Variants in SEMA6B observed in about 807,000 individuals in gnomAD.
SEMA6B encodes the protein semaphorin-6B.
In SEMA6B, 47 loss-of-function variants were observed where a neutral mutation model predicts 78.6. The observed-to-expected ratio is 0.60, with a 90% confidence interval of 0.47 to 0.76. The LOEUF (loss-of-function observed/expected upper bound fraction) is 0.76, where lower values mean the gene tolerates loss of function less well. Among genes scored for constraint, SEMA6B ranks in the 30% least tolerant of loss-of-function variants. The pLI, the probability that SEMA6B is intolerant of heterozygous loss-of-function variation, is 0.00. For missense variants in SEMA6B, 1,213 were observed against 1,269.9 expected (o/e 0.96, Z 0.68); for synonymous variants, 632 against 592.2 (o/e 1.07, Z -0.98).
Position 4,542,996 on chromosome 19 carries a change from G to A in SEMA6B, c.*605C>T, listed in dbSNP as rs1386984753. The A allele has an allele frequency of 1.4e-6, 1 of 695,950 alleles. No homozygotes were observed. Among genetic ancestry groups the A allele is most frequent in the Non-Finnish European group, 2.6e-6 (1 of 381,150 alleles). 43.1% of individuals were successfully genotyped at this position (695,950 alleles called of 1,614,324 possible). A position where few individuals can be genotyped will look rare whatever the true frequency, so the allele number is the denominator to read the frequency against. ...GCTCAGCCAACGCCCAGGCCGCTGG[G>A]GCCACCACGATCGTCGCTCGTGGAC... is the stretch of plus-strand genomic sequence containing the variant. On this transcript the variant is annotated 3_prime_UTR_variant, in exon 17 of 17. Transcript: ENST00000586582.
At position 4,558,221 on chromosome 19, in the gene SEMA6B, C is replaced by T; in HGVS notation, c.122-72G>A. On this transcript the variant is annotated intron_variant, in intron 2 of 16. Coordinates refer to ENST00000586582, the MANE Select transcript of SEMA6B (RefSeq NM_032108.4). The surrounding 1 kb of genome is among the most constrained non-coding windows in gnomAD (Gnocchi z 5.1). ...GAGAGGGTGGCCTGAGGTCATGCCC[C>T]TTCTAGGGGTGGCTCCTGGACTGCT... 7.4e-7 allele frequency: 1 copy of T among 1,345,616 alleles called. No homozygotes were observed. Among genetic ancestry groups the T allele is most frequent in the Non-Finnish European group, 9.7e-7 (1 of 1,036,118 alleles). 83.4% of individuals were successfully genotyped at this position (1,345,616 alleles called of 1,614,324 possible).
chr19:4,554,146 G>A (rs2145356172), intron 9 of SEMA6B, among the ~76,000 whole-genome samples: 1 of 152,264 alleles, frequency 6.6e-6, no homozygotes, highest in South Asian at 2.1e-4. Context: ...CAGGTGAACA[G>A]CAACAGCACC....
chr19:4,551,570 G>A (rs1194968327), intron 10 of SEMA6B, among the ~76,000 whole-genome samples: 3 of 150,880 alleles, frequency 2.0e-5, no homozygotes, highest in Non-Finnish European at 3.0e-5. Flanking sequence ...GGTGGCTGAC[G>A]CCTGTAATCC....
rs1977365462 is a variant in SEMA6B, at chr19:4,552,672, G to A, written c.772-33C>T. 1.9e-6 allele frequency: 3 copies of A among 1,559,126 alleles called. No individual in the cohort carries two copies. The highest frequency in any genetic ancestry group is 2.3e-5 in the East Asian group (1 of 44,272). On this transcript the variant is annotated intron_variant, in intron 9 of 16. Coordinates refer to ENST00000586582, the MANE Select transcript of SEMA6B (RefSeq NM_032108.4). The surrounding 1 kb of genome is among the most constrained non-coding windows in gnomAD (Gnocchi z 7.4). ...TGACAGTGGACGGACGGGGGCCTGA[G>A]CTCTGTGTCCCAGGAAGGCCTGTTC...
Position 4,543,879 on chromosome 19 carries a change from G to A in SEMA6B, c.2389C>T (p.Arg797Cys), listed in dbSNP as rs1365329626. The A allele has an allele frequency of 5.8e-6, 7 of 1,205,668 alleles. No individual in the cohort carries two copies. In the African/African-American group the frequency reaches 6.3e-5, roughly 11 times the overall value. 74.7% of individuals were successfully genotyped at this position (1,205,668 alleles called of 1,614,324 possible). ...GTGGGCGCGGACACCACCCGCCGGCGGTCCGGGCTGGCGTGGGGGGTGAGC... is the reference window on the plus strand; with the variant it reads ...GTGGGCGCGGACACCACCCGCCGGCAGTCCGGGCTGGCGTGGGGGGTGAGC... ...FPLTPHASPD[R>C]RRVVSAPTGP... is the part of the protein sequence containing the mutation. Residue 797 changes from arginine to cysteine, a missense_variant, in exon 17 of 17, where the codon CGC (arginine) becomes TGC (cysteine). Arg to Cys is a radical substitution (Grantham distance 180). Transcript: ENST00000586582.
chr19:4,547,864 C>T (rs960529652), intron 14 of SEMA6B, among the ~76,000 whole-genome samples, 163 bp downstream of exon 14: 2 of 152,170 alleles, frequency 1.3e-5, no homozygotes, highest in African/African-American at 4.8e-5. Flanking sequence ...GTTCTTCCAA[C>T]ACACCAGGAG....
chr19:4,544,271 C>G lies in SEMA6B; in HGVS notation c.1997G>C (p.Gly666Ala), dbSNP rs1015238601. The G allele has an allele frequency of 7.6e-7, 1 of 1,309,422 alleles. No individual in the cohort carries two copies. The highest frequency in any genetic ancestry group is 1.6e-5 in the African/African-American group (1 of 64,202). 81.1% of individuals were successfully genotyped at this position (1,309,422 alleles called of 1,614,324 possible). ...CCCGGCGCCACCGCCACCGCCTCCGCCCCGGCCCCCGGGACCCTGCGCCCT... is the reference window on the plus strand; with the variant it reads ...CCCGGCGCCACCGCCACCGCCTCCGGCCCGGCCCCCGGGACCCTGCGCCCT... ...ERRAQGPGGRGGGGGGGAGVP... is the reference protein window; with the variant it reads ...ERRAQGPGGRAGGGGGGAGVP... The change falls in exon 17 of 17, where the codon GGC becomes GCC. Residue 666 changes from glycine (G) to alanine (A), a missense_variant. By Grantham distance (60) the Gly-to-Ala change is moderately conservative. Transcript: ENST00000586582. This position sits in a 1 kb window ranked among gnomAD's most constrained non-coding sequence, Gnocchi z 5.1.
rs1977068218 is a variant in SEMA6B, at chr19:4,543,304, A to G, written c.*297T>C. The G allele has an allele frequency of 6.4e-6, 3 of 467,130 alleles. No individual in the cohort carries two copies. The highest frequency in any genetic ancestry group is 1.1e-5 in the Non-Finnish European group (3 of 265,160). The allele number at this position is 467,130 out of a possible 1,614,324, so 28.9% of individuals were successfully genotyped here. On this transcript the variant is annotated 3_prime_UTR_variant, in exon 17 of 17. Coordinates refer to ENST00000586582, the MANE Select transcript of SEMA6B (RefSeq NM_032108.4). ...GTGCAATTGGTTAGAAAACCGCAAA[A>G]GAAACCAAAACTGCAAAAAAAACCA...
chr19:4,551,224 T>TG (rs1336876940), intron 10 of SEMA6B, among the ~76,000 whole-genome samples: 1 of 151,012 alleles, frequency 6.6e-6, no homozygotes, highest in African/African-American at 2.4e-5. Context: ...AGCAGGCTTT[T>TG]TTTTTTTTTT....
chr19:4,546,406 G>A lies in SEMA6B; in HGVS notation c.1665C>T (p.Leu555=), dbSNP rs1336758984. 1.3e-6 allele frequency: 2 copies of A among 1,584,474 alleles called. No homozygotes were observed. The highest frequency in any genetic ancestry group is 1.8e-5 in the Admixed American group (1 of 56,272). The change falls in exon 15 of 17, where the codon CTC becomes CTT. Residue 555 remains leucine, a synonymous_variant. Transcript: ENST00000586582. ...TCCCGCAGTACCTGGTGCCCGGGCT[G>A]AGGAAGATGCAGGAGCCGTCGGGGG... ...GWAPDGSCIF[L]SPGTRAAFEQ...
chr19:4,551,554 G>A (rs796897515), intron 10 of SEMA6B, among the ~76,000 whole-genome samples: 38 of 151,804 alleles, frequency 2.5e-4, no homozygotes, highest in Middle Eastern at 3.4e-3. Context: ...AACCTTGGCC[G>A]GGTGCGGTGG....
Position 4,543,790 on chromosome 19 carries a change from C to T in SEMA6B, c.2478G>A (p.Thr826=), listed in dbSNP as rs1977085278. 1 of 1,221,006 alleles carries T rather than the reference C, an allele frequency of 8.2e-7. No individual in the cohort carries two copies. Among genetic ancestry groups the T allele is most frequent in the East Asian group, 3.2e-5 (1 of 30,830 alleles). The allele number at this position is 1,221,006 out of a possible 1,614,324, so 75.6% of individuals were successfully genotyped here. A position where few individuals can be genotyped will look rare whatever the true frequency, so the allele number is the denominator to read the frequency against. The change falls in exon 17 of 17, where the codon ACG becomes ACA. Residue 826 remains threonine, a synonymous_variant. Transcript: ENST00000586582. The part of the protein sequence containing the change: ...GLPRPWSPPP[T]GSLRRPLGPH... ...GGCCCAGTGGCCTCCTCAGGCTGCC[C>T]GTCGGGGGCGGGCTCCAGGGCCGCG... is the stretch of plus-strand genomic sequence containing the variant.
chr19:4,556,215 G>A (rs1035482994), intron 5 of SEMA6B, 126 bp from the exon 6 acceptor site: 1 of 691,766 alleles, frequency 1.4e-6, no homozygotes, highest in African/African-American at 1.7e-5. Flanking sequence ...GGCAGGGGCT[G>A]AACCTAGGAC....
At position 4,543,137 on chromosome 19, in the gene SEMA6B, C is replaced by T. The variant is rs2145340470; in HGVS notation, c.*464G>A. Reference sequence around the variant, plus strand: ...CACACGAACACGGCACGCACACGCACGCACACCCACACACGCCAGGGGCCT... The same window carrying T: ...CACACGAACACGGCACGCACACGCATGCACACCCACACACGCCAGGGGCCT... On this transcript the variant is annotated 3_prime_UTR_variant, in exon 17 of 17. Coordinates refer to ENST00000586582, the MANE Select transcript of SEMA6B (RefSeq NM_032108.4). 3 of 616,716 alleles carry T rather than the reference C, an allele frequency of 4.9e-6. No homozygotes were observed. Among genetic ancestry groups the T allele is most frequent in the African/African-American group, 1.8e-5 (1 of 54,492 alleles). 38.2% of individuals were successfully genotyped at this position (616,716 alleles called of 1,614,324 possible).
rs1391092720 is a variant in SEMA6B at position 4,555,576 on chromosome 19, A to G, written c.472-12T>C. On this transcript the variant is annotated splice_polypyrimidine_tract_variant and intron_variant, in intron 6 of 16. Coordinates refer to ENST00000586582, the MANE Select transcript of SEMA6B (RefSeq NM_032108.4). This position sits in a 1 kb window ranked among gnomAD's most constrained non-coding sequence, Gnocchi z 6.1. ...TGCAGGGTGTCTATCTGCAGGGACC[A>G]TGGGGCCTGAGTGACAGATCTCCTG... 2 of 1,610,052 alleles carry G rather than the reference A, an allele frequency of 1.2e-6. No individual in the cohort carries two copies. The highest frequency in any genetic ancestry group is 1.7e-5 in the Admixed American group (1 of 59,818).
In SEMA6B at chr19:4,558,060, G is replaced by T; in HGVS notation, c.211C>A (p.Leu71Met). The T allele has an allele frequency of 6.6e-7, 1 of 1,518,832 alleles. No homozygotes were observed. The highest frequency in any genetic ancestry group is 1.2e-5 in the South Asian group (1 of 80,042). 94.1% of individuals were successfully genotyped at this position (1,518,832 alleles called of 1,614,324 possible). A position where few individuals can be genotyped will look rare whatever the true frequency, so the allele number is the denominator to read the frequency against. Reference sequence around the variant, plus strand: ...ATGAACAGCGTCCTGTTGACCCGCAGGACTCGCTGGATGTTGAGGTCGTCA... The same window carrying T: ...ATGAACAGCGTCCTGTTGACCCGCATGACTCGCTGGATGTTGAGGTCGTCA... ...GADDLNIQRV[L>M]RVNRTLFIGD... is the part of the protein sequence containing the mutation. Residue 71 changes from leucine (L) to methionine (M), a missense_variant, in exon 3 of 17, where the codon CTG becomes ATG. Coordinates refer to ENST00000586582, the MANE Select transcript of SEMA6B (RefSeq NM_032108.4). The surrounding 1 kb of genome is among the most constrained non-coding windows in gnomAD (Gnocchi z 5.1).
In SEMA6B at chr19:4,558,785, T is replaced by C. The variant is rs1300184426; in HGVS notation, c.-32-296A>G. On this transcript the variant is annotated intron_variant, in intron 1 of 16. Transcript: ENST00000586582. The surrounding 1 kb of genome is among the most constrained non-coding windows in gnomAD (Gnocchi z 5.1). ...TAATAGATACAAATATCCTAAAACA[T>C]ATATTTAAAAATGCAATCGCAAAAT... 1.3e-5 allele frequency among the ~76,000 whole-genome samples: 2 copies of C among 151,662 alleles called. No individual in the cohort carries two copies. The highest frequency in any genetic ancestry group is 4.8e-5 in the African/African-American group (2 of 41,302).
intron 4 of SEMA6B, 31 bp downstream of exon 4, chr19:4,557,132 C>T (rs777415693): frequency 6.2e-7 from 1 of 1,600,894 alleles, no homozygotes; most frequent in Non-Finnish European, 8.6e-7. Context: ...CTGGCCCTAC[C>T]CCTCCACTCC....
At chr19:4,546,157 C>G in intron 16 of SEMA6B, 59 bp downstream of exon 16, 1 of 1,500,942 alleles carries the variant, frequency 6.7e-7, no homozygotes, top group South Asian at 1.2e-5. Flanking sequence ...AGCCTCCTCC[C>G]TCCCCTCCCC....
Sources: allele counts gnomAD v4.1 joint callset (sites outside exome capture counted in the v4.1 genomes callset), GRCh38; gene constraint gnomAD v4.1.1; non-coding constraint Gnocchi (gnomAD v3.1); transcripts MANE v1.5; gene names NCBI Gene and HGNC (gene_info 2026-07-23, HGNC 2026-07-21).